SRC: variants seen among roughly 807,000 people sequenced by gnomAD.
The protein encoded by SRC is proto-oncogene tyrosine-protein kinase Src.
Under a neutral mutation model 62.9 loss-of-function variants are expected in SRC, and 13 were observed. The ratio of observed to expected loss-of-function variants is 0.21; its 90% CI spans 0.13 to 0.33. The LOEUF (loss-of-function observed/expected upper bound fraction) is 0.33, where lower values mean the gene tolerates loss of function less well. SRC is among the 10% of genes least tolerant of loss of function. The pLI, the probability that SRC is intolerant of heterozygous loss-of-function variation, is 1.00. For missense variants in SRC, 457 were observed against 737.3 expected (o/e 0.62, Z 4.40); for synonymous variants, 302 against 317.5 (o/e 0.95, Z 0.52).
intron 1 of SRC, among the ~76,000 whole-genome samples, chr20:37,355,645 G>A (rs753198181): frequency 7.2e-5 from 11 of 152,172 alleles, no homozygotes; most frequent in East Asian, 1.9e-4. Flanking sequence ...CCTATGGCAC[G>A]ATGGGGTAGG....
chr20:37,356,181 G>A (rs760657321), intron 1 of SRC, among the ~76,000 whole-genome samples: 11 of 152,290 alleles, frequency 7.2e-5, no homozygotes, highest in East Asian at 1.9e-4. Flanking sequence ...CTGACTTACC[G>A]GAAGGATGGG....
In SRC at chr20:37,355,118, G is replaced by A. The variant is rs567369691; in HGVS notation, c.-247+8863G>A. 5.3e-5 allele frequency among the ~76,000 whole-genome samples: 8 copies of A among 152,172 alleles called. No individual in the cohort carries two copies. In the South Asian group the frequency reaches 8.3e-4, roughly 16 times the overall value. ...CCATAATGTGGGGATTTGGACTGGC[G>A]CTGGGTGAAGTGGGCAGGATCTCAG... is the stretch of plus-strand genomic sequence containing the variant. On this transcript the variant is annotated intron_variant, in intron 1 of 13. Transcript: ENST00000373578.
chr20:37,373,401 ATATACGCATATATACGCATATATGCGTG>A (rs2070223594), intron 2 of SRC, among the ~76,000 whole-genome samples: 1 of 151,360 alleles, frequency 6.6e-6, no homozygotes, highest in Admixed American at 6.6e-5. Context: ...ATATGCGTAT[ATATACGCATATATACGCATATATGCGTG>A]TATATACGCA....
intron 5 of SRC, among the ~76,000 whole-genome samples, chr20:37,389,058 G>A (rs1002703894): frequency 6.6e-6 from 1 of 152,162 alleles, no homozygotes; most frequent in East Asian, 1.9e-4. Context: ...GGAGGAACCC[G>A]TCTGTGGATG....
chr20:37,368,460 CCAAA>C (rs151218121), intron 2 of SRC, among the ~76,000 whole-genome samples: 10,665 of 146,406 alleles, frequency 0.073, 462 homozygotes, highest in Non-Finnish European at 0.093. Flanking sequence ...AATAAACCAA[CCAAA>C]CAAACAAAAA....
rs770117046 is a variant in SRC, at chr20:37,393,877, C to T, written c.351-18C>T. 1.3e-6 allele frequency: 2 copies of T among 1,599,792 alleles called. No individual in the cohort carries two copies. Among genetic ancestry groups the T allele is most frequent in the East Asian group, 2.2e-5 (1 of 44,776 alleles). On this transcript the variant is annotated intron_variant, in intron 5 of 13. Transcript: ENST00000373578. ...ACGGCTCCCTTCTCCTTTCCTCCCTCCTTCTGTCCCTGCTCAGAGAGGGAG... is the reference window on the plus strand; with the variant it reads ...ACGGCTCCCTTCTCCTTTCCTCCCTTCTTCTGTCCCTGCTCAGAGAGGGAG...
intron 1 of SRC, among the ~76,000 whole-genome samples, chr20:37,359,613 G>C (rs529149786): frequency 6.6e-6 from 1 of 152,208 alleles, no homozygotes; most frequent in Non-Finnish European, 1.5e-5. Context: ...AGTGCTGGTG[G>C]AACTGGAGGG....
chr20:37,354,204 ACTGAGGCCTAGAAC>A (rs1213166065), intron 1 of SRC, among the ~76,000 whole-genome samples: 1 of 152,186 alleles, frequency 6.6e-6, no homozygotes, highest in African/African-American at 2.4e-5. Flanking sequence ...AGATGGGGAA[ACTGAGGCCTAGAAC>A]CTGAGAAGGG....
Position 37,403,471 on chromosome 20 carries a change from G to A in SRC, c.*92G>A. ...TGCCCCACTCTGCCTGCCTGCTGTTGGTCCTCTCTCTGTGGGGCTGAATTG... is the reference window on the plus strand; with the variant it reads ...TGCCCCACTCTGCCTGCCTGCTGTTAGTCCTCTCTCTGTGGGGCTGAATTG... On this transcript the variant is annotated 3_prime_UTR_variant, in exon 14 of 14. Coordinates refer to ENST00000373578, the MANE Select transcript of SRC (RefSeq NM_198291.3). The surrounding 1 kb of genome is among the most constrained non-coding windows in gnomAD (Gnocchi z 7.1). 2.2e-6 allele frequency: 3 copies of A among 1,368,052 alleles called. No individual in the cohort carries two copies. The highest frequency in any genetic ancestry group is 3.0e-6 in the Non-Finnish European group (3 of 1,015,146). The allele number at this position is 1,368,052 out of a possible 1,614,324, so 84.7% of individuals were successfully genotyped here. A position where few individuals can be genotyped will look rare whatever the true frequency, so the allele number is the denominator to read the frequency against.
chr20:37,399,481 A>T (rs745536754), intron 9 of SRC, among the ~76,000 whole-genome samples: 1 of 152,148 alleles, frequency 6.6e-6, no homozygotes, highest in Non-Finnish European at 1.5e-5. Context: ...ACTAACCCAG[A>T]AGTGACACCG....
Position 37,403,218 on chromosome 20 carries a change from A to C in SRC, c.1450A>C (p.Met484Leu). 1 of 1,572,652 alleles carries C rather than the reference A, an allele frequency of 6.4e-7. No homozygotes were observed. Among genetic ancestry groups the C allele is most frequent in the Non-Finnish European group, 8.6e-7 (1 of 1,161,988 alleles). The change falls in exon 14 of 14, where the codon ATG (methionine) becomes CTG (leucine). Residue 484 changes from methionine to leucine, a missense_variant. Physicochemically the swap from Met to Leu is conservative, Grantham distance 15. This residue lies in a region of SRC where 168 missense variants were observed against 357.8 expected (regional missense o/e 0.47). Transcript: ENST00000373578. The surrounding 1 kb of genome is among the most constrained non-coding windows in gnomAD (Gnocchi z 7.1). Reference sequence around the variant, plus strand: ...GGACCAGGTGGAGCGGGGCTACCGGATGCCCTGCCCGCCGGAGTGTCCCGA... The same window carrying C: ...GGACCAGGTGGAGCGGGGCTACCGGCTGCCCTGCCCGCCGGAGTGTCCCGA... ...VLDQVERGYR[M>L]PCPPECPESL...
Position 37,403,659 on chromosome 20 carries a change from C to A in SRC, c.*280C>A. 1 of 484,392 alleles carries A rather than the reference C, an allele frequency of 2.1e-6. No homozygotes were observed. The allele number at this position is 484,392 out of a possible 1,614,324, so 30.0% of individuals were successfully genotyped here. On this transcript the variant is annotated 3_prime_UTR_variant, in exon 14 of 14. Coordinates refer to ENST00000373578, the MANE Select transcript of SRC (RefSeq NM_198291.3). The surrounding 1 kb of genome is among the most constrained non-coding windows in gnomAD (Gnocchi z 7.1). ...CTCCCTCCTGGAGCTCTGTGGGTCTCTGGAAGAGGAACCAGGAGAAGGGCT... is the reference window on the plus strand; with the variant it reads ...CTCCCTCCTGGAGCTCTGTGGGTCTATGGAAGAGGAACCAGGAGAAGGGCT...
Position 37,396,742 on chromosome 20 carries a change from C to T in SRC, c.703+431C>T, listed in dbSNP as rs556891701. ...CGATTGCAGCAAAGAGGGAAGAGAG[C>T]GGCAGAGGGAGCTCGCGGGGCTTGC... On this transcript the variant is annotated intron_variant, in intron 8 of 13. Transcript: ENST00000373578. This position sits in a 1 kb window ranked among gnomAD's most constrained non-coding sequence, Gnocchi z 6.1. The T allele has an allele frequency of 4.0e-3, 759 of 189,122 alleles. 2 individuals are homozygous for T. The highest frequency in any genetic ancestry group is 6.3e-3 in the Non-Finnish European group (568 of 90,692). 11.7% of individuals were successfully genotyped at this position (189,122 alleles called of 1,614,324 possible).
At position 37,356,681 on chromosome 20, in the gene SRC, C is replaced by T. The variant is rs550090683; in HGVS notation, c.-246-8523C>T. On this transcript the variant is annotated intron_variant, in intron 1 of 13. Coordinates refer to ENST00000373578, the MANE Select transcript of SRC (RefSeq NM_198291.3). The stretch of plus-strand genomic sequence containing the variant: ...GGGCAAGGGCTCTGGGGTTAGGGCC[C>T]GGCCTCCCTTCCTTTTTGGGTAAAC... 4.6e-5 allele frequency among the ~76,000 whole-genome samples: 7 copies of T among 152,330 alleles called. No individual in the cohort carries two copies. In the South Asian group the frequency reaches 6.2e-4, roughly 14 times the overall value.
chr20:37,400,151 C>T lies in SRC; in HGVS notation c.896C>T (p.Thr299Ile), dbSNP rs1388365171. 1 of 1,612,926 alleles carries T rather than the reference C, an allele frequency of 6.2e-7. No homozygotes were observed. Among genetic ancestry groups the T allele is most frequent in the Admixed American group, 1.7e-5 (1 of 59,914 alleles). Residue 299 changes from threonine (T) to isoleucine (I), a missense_variant, in exon 10 of 14, where the codon ACC becomes ATC. Physicochemically the swap from Thr to Ile is moderately conservative, Grantham distance 89 (BLOSUM62 -1). Around this residue, in one of 4 missense-constraint regions of SRC, gnomAD observed 168 missense variants for 357.8 expected, o/e 0.47. Transcript: ENST00000373578. ...WNGTTRVAIK[T>I]LKPGTMSPEA... is the part of the protein sequence containing the mutation. ...GGTACCACCAGGGTGGCCATCAAAA[C>T]CCTGAAGCCTGGCACGATGTCTCCA...
At chr20:37,364,119 A>G (rs1037623543) in intron 1 of SRC, among the ~76,000 whole-genome samples, 3 of 151,934 alleles carry the variant, frequency 2.0e-5, no homozygotes, top group Non-Finnish European at 4.4e-5. Flanking sequence ...ACTGGCTGAG[A>G]ACAGCTTCCA....
Position 37,400,012 on chromosome 20 carries a change from G to A in SRC, c.860-103G>A, listed in dbSNP as rs1275214798. On this transcript the variant is annotated intron_variant, in intron 9 of 13. Transcript: ENST00000373578. ...TTGACTGGGTTTGTCACATGGCTGT[G>A]GAGGCCACAGCTGACACTGGCGCCC... 7 of 1,182,160 alleles carry A rather than the reference G, an allele frequency of 5.9e-6. 1 individual carries two copies. Among genetic ancestry groups the A allele is most frequent in the Middle Eastern group, 6.0e-4 (2 of 3,318 alleles). The allele number at this position is 1,182,160 out of a possible 1,614,324, so 73.2% of individuals were successfully genotyped here.
rs1356836834 is a variant in SRC at position 37,405,084 on chromosome 20, A to C, written c.*1705A>C. On this transcript the variant is annotated 3_prime_UTR_variant, in exon 14 of 14. Coordinates refer to ENST00000373578, the MANE Select transcript of SRC (RefSeq NM_198291.3). ...GAGGCCAAGCAGTGCCTGCCTATGA[A>C]ATTTCAACTTTTCCTTTCATACGTC... The C allele has an allele frequency of 1.3e-5, 3 of 233,244 alleles. No homozygotes were observed. Among genetic ancestry groups the C allele is most frequent in the Admixed American group, 5.6e-5 (1 of 17,758 alleles). The allele number at this position is 233,244 out of a possible 1,614,324, so 14.4% of individuals were successfully genotyped here.
At chr20:37,386,488 G>A (rs1408954801) in intron 5 of SRC, 4 of 714,364 alleles carry the variant, frequency 5.6e-6, no homozygotes, top group Admixed American at 2.0e-5. Flanking sequence ...GTGTGTACAT[G>A]CTCCGTGGGC....
Sources: allele counts gnomAD v4.1 joint callset (sites outside exome capture counted in the v4.1 genomes callset), GRCh38; gene constraint gnomAD v4.1.1; regional missense constraint gnomAD v4.1.1; non-coding constraint Gnocchi (gnomAD v3.1); transcripts MANE v1.5; gene names NCBI Gene and HGNC (gene_info 2026-07-23, HGNC 2026-07-21).